The following FEM1C variants were observed in gnomAD, a reference collection of about 807,000 sequenced individuals.
FEM1C encodes protein fem-1 homolog C.
FEM1C carries 15 observed loss-of-function variants against 37.6 expected under a neutral mutation model. The ratio of observed to expected loss-of-function variants is 0.40; its 90% CI spans 0.27 to 0.61. FEM1C has a LOEUF of 0.61. Ranked by LOEUF, FEM1C falls within the 20% of genes least tolerant of loss-of-function variation. FEM1C has a pLI of 0.42. For missense variants in FEM1C, 532 were observed against 749.7 expected (o/e 0.71, Z 3.39); for synonymous variants, 287 against 272.8 (o/e 1.05, Z -0.51).
intron 2 of FEM1C, among the ~76,000 whole-genome samples, chr5:115,540,391 T>G (rs1190610200): frequency 6.6e-6 from 1 of 152,074 alleles, no homozygotes; most frequent in Non-Finnish European, 1.5e-5. Context: ...TGCATGTGTA[T>G]GGGTATAAAG....
In FEM1C at chr5:115,521,078, CAAAAAAAAAAAAAAG is replaced by C. The variant is rs1753763522; in HGVS notation, c.*3215_*3229del. On this transcript the variant is annotated 3_prime_UTR_variant, in exon 3 of 3. Transcript: ENST00000274457. The stretch of plus-strand genomic sequence containing the variant: ...CTAGTTGTTTAGTGACACATAAGGG[CAAAAAAAAAAAAAAG>C]AAAAAGAAAAAAAGAAAATGATGAT... The C allele has an allele frequency of 2.5e-5, 2 of 80,954 alleles. No homozygotes were observed. Among genetic ancestry groups the C allele is most frequent in the South Asian group, 7.2e-4 (2 of 2,770 alleles). The allele number at this position is 80,954 out of a possible 1,614,324, so 5.0% of individuals were successfully genotyped here. A position where few individuals can be genotyped will look rare whatever the true frequency, so the allele number is the denominator to read the frequency against.
At position 115,522,334 on chromosome 5, in the gene FEM1C, T is replaced by C. The variant is rs1448330805; in HGVS notation, c.*1974A>G. On this transcript the variant is annotated 3_prime_UTR_variant, in exon 3 of 3. Coordinates refer to ENST00000274457, the MANE Select transcript of FEM1C (RefSeq NM_020177.3). ...ACTGACATTTGATATTTCTAGAATATTGGTCTAAATCATAAAGTATTCTTA... is the reference window on the plus strand; with the variant it reads ...ACTGACATTTGATATTTCTAGAATACTGGTCTAAATCATAAAGTATTCTTA... 5 of 151,904 alleles carry C rather than the reference T, an allele frequency of 3.3e-5. No individual in the cohort carries two copies. Among genetic ancestry groups the C allele is most frequent in the Non-Finnish European group, 7.4e-5 (5 of 67,860 alleles). The allele number at this position is 151,904 out of a possible 1,614,324, so 9.4% of individuals were successfully genotyped here.
At position 115,521,533 on chromosome 5, in the gene FEM1C, G is replaced by A. The variant is rs954382617; in HGVS notation, c.*2775C>T. 1 of 151,718 alleles carries A rather than the reference G, an allele frequency of 6.6e-6. No homozygotes were observed. Among genetic ancestry groups the A allele is most frequent in the African/African-American group, 2.4e-5 (1 of 41,368 alleles). 9.4% of individuals were successfully genotyped at this position (151,718 alleles called of 1,614,324 possible). On this transcript the variant is annotated 3_prime_UTR_variant, in exon 3 of 3. Coordinates refer to ENST00000274457, the MANE Select transcript of FEM1C (RefSeq NM_020177.3). ...TCCATTTGTCTTTATAAAGTAGACT[G>A]GCATCTAAGTAAAATGACCATTTCT...
In FEM1C at chr5:115,524,353, C is replaced by A; in HGVS notation, c.1809G>T (p.Gly603=). Residue 603 remains glycine (G), a synonymous_variant, in exon 3 of 3, where the codon GGG becomes GGT. Coordinates refer to ENST00000274457, the MANE Select transcript of FEM1C (RefSeq NM_020177.3). The part of the protein sequence containing the change: ...VIVNHRIYYK[G]HIPEKLETFV... ...AAGTCTCTAGCTTTTCTGGGATATG[C>A]CCTTTATAATATATTCTATGATTCA... 6.2e-7 allele frequency: 1 copy of A among 1,613,272 alleles called. No individual in the cohort carries two copies. The highest frequency in any genetic ancestry group is 8.5e-7 in the Non-Finnish European group (1 of 1,179,570).
rs118033702 is a variant in FEM1C at position 115,543,595 on chromosome 5, T to C, written c.-102A>G. ...GAGTCACAGGAACCAAAGTCCAATG[T>C]TAATTGCTGCACCCCAGAACGGATA... On this transcript the variant is annotated 5_prime_UTR_variant, in exon 2 of 3. The change abolishes the stop of an existing upstream ORF in the 5' untranslated region. Transcript: ENST00000274457. 1 of 1,489,702 alleles carries C rather than the reference T, an allele frequency of 6.7e-7. No homozygotes were observed. The highest frequency in any genetic ancestry group is 2.3e-5 in the East Asian group (1 of 43,938). 92.3% of individuals were successfully genotyped at this position (1,489,702 alleles called of 1,614,324 possible).
intron 2 of FEM1C, among the ~76,000 whole-genome samples, chr5:115,531,728 TC>T (rs1239091726): frequency 7.9e-5 from 12 of 152,154 alleles, no homozygotes; most frequent in African/African-American, 2.9e-4. Flanking sequence ...AATTTGATTT[TC>T]ATGTGTCATA....
At position 115,520,989 on chromosome 5, in the gene FEM1C, G is replaced by A. The variant is rs1766376815; in HGVS notation, c.*3319C>T. ...TCCATTGTGTGACAATTTATTAGCT[G>A]GCATCCGAATACAGTACTTCTTTTG... On this transcript the variant is annotated 3_prime_UTR_variant, in exon 3 of 3. Transcript: ENST00000274457. The A allele has an allele frequency of 6.6e-6, 1 of 151,288 alleles. No homozygotes were observed. 9.4% of individuals were successfully genotyped at this position (151,288 alleles called of 1,614,324 possible).
Position 115,521,700 on chromosome 5 carries a change from G to C in FEM1C, c.*2608C>G, listed in dbSNP as rs193188232. ...GTGTACAGTTTAGTTAGACTCAAGAGTGTAATTGGTTCATTATTAAATTTA... is the reference window on the plus strand; with the variant it reads ...GTGTACAGTTTAGTTAGACTCAAGACTGTAATTGGTTCATTATTAAATTTA... On this transcript the variant is annotated 3_prime_UTR_variant, in exon 3 of 3. Coordinates refer to ENST00000274457, the MANE Select transcript of FEM1C (RefSeq NM_020177.3). 145 of 151,926 alleles carry C rather than the reference G, an allele frequency of 9.5e-4. 1 individual carries two copies. Among genetic ancestry groups the C allele is most frequent in the African/African-American group, 3.4e-3 (143 of 41,514 alleles). 9.4% of individuals were successfully genotyped at this position (151,926 alleles called of 1,614,324 possible). A position where few individuals can be genotyped will look rare whatever the true frequency, so the allele number is the denominator to read the frequency against.
intron 2 of FEM1C, among the ~76,000 whole-genome samples, chr5:115,533,267 T>C (rs1754054917): frequency 6.6e-6 from 1 of 152,212 alleles, no homozygotes; most frequent in Non-Finnish European, 1.5e-5. Context: ...AAACTTTATT[T>C]TCTTTTATGC....
chr5:115,537,427 C>T (rs960655032), intron 2 of FEM1C, among the ~76,000 whole-genome samples: 1 of 152,060 alleles, frequency 6.6e-6, no homozygotes, highest in Non-Finnish European at 1.5e-5. Flanking sequence ...TCTCACCAAA[C>T]TGCTCAATTC....
chr5:115,541,950 C>T (rs545759692), intron 2 of FEM1C, among the ~76,000 whole-genome samples: 6 of 152,040 alleles, frequency 3.9e-5, no homozygotes, highest in Non-Finnish European at 8.8e-5. Context: ...AGGAATAAGA[C>T]TTTTTATTCA....
At chr5:115,538,019 T>C (rs1754162567) in intron 2 of FEM1C, among the ~76,000 whole-genome samples, 1 of 152,062 alleles carries the variant, frequency 6.6e-6, no homozygotes, top group South Asian at 2.1e-4. Flanking sequence ...AATACATCTA[T>C]ATTCTAAATG....
Position 115,542,976 on chromosome 5 carries a change from G to T in FEM1C, c.518C>A (p.Ala173Glu). Residue 173 changes from alanine (A) to glutamate (E), a missense_variant, in exon 2 of 3, where the codon GCA becomes GAA. Transcript: ENST00000274457. ...EIAQYLLEKG[A>E]DVNRKSVKGN... ...TTTGACACTTTTTCTATTAACATCT[G>T]CCCCCTTTTCAAGTAAATACTGAGC... 6.2e-7 allele frequency: 1 copy of T among 1,613,548 alleles called. No homozygotes were observed. Among genetic ancestry groups the T allele is most frequent in the Non-Finnish European group, 8.5e-7 (1 of 1,179,566 alleles).
intron 1 of FEM1C, 78 bp from the exon 2 acceptor site, chr5:115,543,761 T>TTTTTTAATGATAC: frequency 8.0e-7 from 1 of 1,245,542 alleles, no homozygotes; most frequent in South Asian, 2.2e-5. Context: ...TCCACTTCTG[T>TTTTTTAATGATAC]GGGAAGAAAG....
rs1753869327 is a variant in FEM1C, at chr5:115,525,381, CTCT to C, written c.778_780del (p.Arg260del). 1 of 1,613,642 alleles carries C rather than the reference CTCT, an allele frequency of 6.2e-7. No homozygotes were observed. On this transcript the variant is annotated inframe_deletion, in exon 3 of 3. Coordinates refer to ENST00000274457, the MANE Select transcript of FEM1C (RefSeq NM_020177.3). ...CAGTATTTCAAAGCCCCAAGCAGAT[CTCT>C]TTTTTTGTCTACAAATGTAGCTCCC...
In FEM1C at chr5:115,524,975, T is replaced by A. The variant is rs1215000062; in HGVS notation, c.1187A>T (p.Asp396Val). The A allele has an allele frequency of 6.2e-7, 1 of 1,613,746 alleles. No individual in the cohort carries two copies. Among genetic ancestry groups the A allele is most frequent in the South Asian group, 1.1e-5 (1 of 91,068 alleles). The part of the protein sequence containing the change: ...FAELFSFMLQ[D>V]RAKGLLGTTV... ...AGTACCCAGCAGGCCTTTAGCCCTA[T>A]CCTGTAGCATAAAGGAGAATAGTTC... Residue 396 changes from aspartate to valine, a missense_variant, in exon 3 of 3, where the codon GAT becomes GTT. Physicochemically the swap from Asp to Val is radical, Grantham distance 152. Around this residue, in one of 3 missense-constraint regions of FEM1C, gnomAD observed 221 missense variants for 404.1 expected, o/e 0.55. Coordinates refer to ENST00000274457, the MANE Select transcript of FEM1C (RefSeq NM_020177.3).
chr5:115,544,104 G>T, intron 1 of FEM1C: 11 of 985,432 alleles, frequency 1.1e-5, no homozygotes, highest in Non-Finnish European at 1.3e-5. Flanking sequence ...CCTGAGGCCG[G>T]GTTTCGAGAA....
chr5:115,535,477 C>A (rs946343392), intron 2 of FEM1C, among the ~76,000 whole-genome samples: 1 of 151,684 alleles, frequency 6.6e-6, no homozygotes, highest in Non-Finnish European at 1.5e-5. Context: ...AATAACCACA[C>A]GAATTAAGTA....
chr5:115,543,638 T>C lies in FEM1C; in HGVS notation c.-145A>G, dbSNP rs1286652629. The C allele has an allele frequency of 7.0e-7, 1 of 1,426,378 alleles. No individual in the cohort carries two copies. The highest frequency in any genetic ancestry group is 9.1e-7 in the Non-Finnish European group (1 of 1,096,160). 88.4% of individuals were successfully genotyped at this position (1,426,378 alleles called of 1,614,324 possible). On this transcript the variant is annotated 5_prime_UTR_variant, in exon 2 of 3. Transcript: ENST00000274457. Reference sequence around the variant, plus strand: ...AACGGATACACAACCACGAAGAGTATGTTCCGTCCTACTGCTTTCCAACAT... The same window carrying C: ...AACGGATACACAACCACGAAGAGTACGTTCCGTCCTACTGCTTTCCAACAT...
Sources: allele counts gnomAD v4.1 joint callset (sites outside exome capture counted in the v4.1 genomes callset), GRCh38; gene constraint gnomAD v4.1.1; regional missense constraint gnomAD v4.1.1; transcripts MANE v1.5; gene names NCBI Gene and HGNC (gene_info 2026-07-23, HGNC 2026-07-21).